PIK3C2G: variants seen among roughly 807,000 people sequenced by gnomAD.
PIK3C2G encodes the protein phosphatidylinositol 3-kinase C2 domain-containing subunit gamma.
A neutral mutation model predicts 181.1 loss-of-function variants in PIK3C2G; 168 were observed. That is an observed-to-expected ratio of 0.93 (90% CI 0.82 to 1.05). The LOEUF (loss-of-function observed/expected upper bound fraction) is 1.05. Among genes scored for constraint, PIK3C2G ranks in the 50% least tolerant of loss-of-function variants. PIK3C2G has a pLI of 0.00. For missense variants in PIK3C2G, 1,869 were observed against 1,732.8 expected (o/e 1.08, Z -1.40); for synonymous variants, 573 against 592.2 (o/e 0.97, Z 0.47).
chr12:18,722,722 C>T, the PIK3C2G span, among the ~76,000 whole-genome samples: 1 of 151,966 alleles, frequency 6.6e-6, no homozygotes, highest in Non-Finnish European at 1.5e-5. Flanking sequence ...TATGACAGAT[C>T]GTTAGCCTAA....
At chr12:18,294,333 GAC>G (rs979528873) in intron 5 of PIK3C2G, among the ~76,000 whole-genome samples, 1 of 152,020 alleles carries the variant, frequency 6.6e-6, no homozygotes, top group African/African-American at 2.4e-5. Flanking sequence ...CCCAAACTAG[GAC>G]AAGTTGCTCA....
chr12:18,573,713 T>A (rs1224270330), intron 29 of PIK3C2G, among the ~76,000 whole-genome samples: 2 of 152,206 alleles, frequency 1.3e-5, no homozygotes, highest in Non-Finnish European at 2.9e-5. Flanking sequence ...AGTCTAAAAC[T>A]GCAGCCATCA....
At chr12:18,333,061 T>G (rs1258753967) in intron 8 of PIK3C2G, among the ~76,000 whole-genome samples, 1 of 152,120 alleles carries the variant, frequency 6.6e-6, no homozygotes, top group Non-Finnish European at 1.5e-5. Flanking sequence ...TCTTAATATC[T>G]TCTTACTCAT....
intron 13 of PIK3C2G, among the ~76,000 whole-genome samples, chr12:18,375,374 A>C (rs947365639): frequency 5.3e-5 from 8 of 152,248 alleles, no homozygotes; most frequent in African/African-American, 1.9e-4. Flanking sequence ...TTTGAACTTA[A>C]GAATGATGAC....
intron 4 of PIK3C2G, among the ~76,000 whole-genome samples, chr12:18,292,338 A>G (rs1298377469): frequency 6.6e-6 from 1 of 150,460 alleles, no homozygotes; most frequent in African/African-American, 2.5e-5. Flanking sequence ...AGCAGCCCAG[A>G]ATTCCTGTAT....
In PIK3C2G at chr12:18,294,764, C is replaced by T. The variant is rs559982471; in HGVS notation, c.1034+749C>T. Among the ~76,000 whole-genome samples the T allele has an allele frequency of 4.1e-4, 63 of 152,026 alleles. No homozygotes were observed. In the South Asian group the frequency reaches 9.3e-3, roughly 22 times the overall value. On this transcript the variant is annotated intron_variant, in intron 5 of 32. Coordinates refer to ENST00000538779, the MANE Select transcript of PIK3C2G (RefSeq NM_001288772.2). ...AACAGTAAAGTATTAAAGACTAAAA[C>T]GTTTAATACAGTAGATCCCTATTTA...
At chr12:18,708,234 GTTT>G in the PIK3C2G span, among the ~76,000 whole-genome samples, 1 of 151,760 alleles carries the variant, frequency 6.6e-6, no homozygotes. Flanking sequence ...ACATTTGAGA[GTTT>G]TTTTTCTAAA....
At chr12:18,439,153 A>G (rs1485258604) in intron 18 of PIK3C2G, among the ~76,000 whole-genome samples, 1 of 152,022 alleles carries the variant, frequency 6.6e-6, no homozygotes, top group Non-Finnish European at 1.5e-5. Flanking sequence ...GAGTAGTAGA[A>G]AAATCACTGT....
At chr12:18,316,554 A>G (rs1238193770) in intron 6 of PIK3C2G, among the ~76,000 whole-genome samples, 1 of 152,130 alleles carries the variant, frequency 6.6e-6, no homozygotes. Context: ...CAATTCTTGG[A>G]TAATTCAGCA....
chr12:18,579,591 A>G (rs912417358), intron 29 of PIK3C2G, among the ~76,000 whole-genome samples: 3 of 152,098 alleles, frequency 2.0e-5, no homozygotes, highest in Non-Finnish European at 2.9e-5. Context: ...CACAACTGAC[A>G]AAAGAAAATG....
chr12:18,436,784 C>G (rs12427286), intron 18 of PIK3C2G, among the ~76,000 whole-genome samples: 1 of 151,844 alleles, frequency 6.6e-6, no homozygotes, highest in African/African-American at 2.4e-5. Flanking sequence ...AAATGACTTA[C>G]AGAATAATCT....
chr12:18,452,197 G>A (rs563976453), intron 18 of PIK3C2G, among the ~76,000 whole-genome samples: 1 of 152,212 alleles, frequency 6.6e-6, no homozygotes, highest in African/African-American at 2.4e-5. Context: ...AATCTGTCTG[G>A]TCCTGGGCTT....
At chr12:18,673,196 T>G in the PIK3C2G span, among the ~76,000 whole-genome samples, 1 of 152,108 alleles carries the variant, frequency 6.6e-6, no homozygotes, top group African/African-American at 2.4e-5. Context: ...ATACTGCCCC[T>G]CATAAAGGGT....
chr12:18,424,748 T>C (rs1945694154), intron 18 of PIK3C2G: 1 of 209,870 alleles, frequency 4.8e-6, no homozygotes, highest in Non-Finnish European at 1.0e-5. Context: ...AAAGGTGAAG[T>C]AGAAGAAGTT....
intron 24 of PIK3C2G, among the ~76,000 whole-genome samples, chr12:18,509,599 A>C (rs1278192006): frequency 6.6e-6 from 1 of 152,142 alleles, no homozygotes; most frequent in Non-Finnish European, 1.5e-5. Flanking sequence ...TCTCATTTGG[A>C]ATCTATGCTC....
At chr12:18,597,635 A>T (rs181646634) in intron 30 of PIK3C2G, among the ~76,000 whole-genome samples, 1 of 152,236 alleles carries the variant, frequency 6.6e-6, no homozygotes, top group African/African-American at 2.4e-5. Flanking sequence ...ATAGTGTTGG[A>T]AGTTCTGGCC....
chr12:18,681,542 T>C, the PIK3C2G span, among the ~76,000 whole-genome samples: 1 of 152,060 alleles, frequency 6.6e-6, no homozygotes, highest in Non-Finnish European at 1.5e-5. Context: ...ATAGTTCTTG[T>C]GAGAAAATTC....
intron 32 of PIK3C2G, among the ~76,000 whole-genome samples, chr12:18,644,811 G>A (rs969349581): frequency 1.3e-5 from 2 of 151,988 alleles, no homozygotes; most frequent in African/African-American, 4.8e-5. Flanking sequence ...CCCTGTTCTC[G>A]CTTTTGAACT....
At chr12:18,678,828 T>C in the PIK3C2G span, among the ~76,000 whole-genome samples, 1 of 152,046 alleles carries the variant, frequency 6.6e-6, no homozygotes, top group Admixed American at 6.6e-5. Flanking sequence ...TGTGTGGACA[T>C]GTGTTTTCAT....
Sources: gnomAD v4.1 joint callset for allele counts (sites outside exome capture counted in the v4.1 genomes callset) on GRCh38, gnomAD v4.1.1 for gene constraint, MANE v1.5 for transcripts, NCBI Gene and HGNC (gene_info 2026-07-23, HGNC 2026-07-21) for gene names.